Variants in HIP1 observed in about 807,000 individuals in gnomAD.
HIP1 encodes the protein huntingtin-interacting protein 1.
In HIP1, 65 loss-of-function variants were observed where a neutral mutation model predicts 147.6. The observed-to-expected ratio is 0.44, with a 90% CI of 0.36 to 0.54. The LOEUF (loss-of-function observed/expected upper bound fraction) is 0.54, where lower values mean the gene tolerates loss of function less well. HIP1 is among the 20% of genes least tolerant of loss of function. HIP1 has a pLI of 0.00. For synonymous variants in HIP1, 479 were observed against 504.0 expected, an observed-to-expected ratio of 0.95 and a Z score of 0.67; for missense variants, 1,061 against 1,299.6, an observed-to-expected ratio of 0.82 and a Z score of 2.82.
At chr7:75,718,730 G>T (rs964074905) in intron 1 of HIP1, among the ~76,000 whole-genome samples, 1 of 152,022 alleles carries the variant, frequency 6.6e-6, no homozygotes, top group African/African-American at 2.4e-5. Flanking sequence ...TCTTTCTTGA[G>T]GTCACAGAAC....
chr7:75,539,970 A>G (rs1410829801), intron 29 of HIP1, among the ~76,000 whole-genome samples: 2 of 152,208 alleles, frequency 1.3e-5, no homozygotes, highest in African/African-American at 4.8e-5. Context: ...CTAGAAACCC[A>G]GGTAGGAAGC....
intron 1 of HIP1, among the ~76,000 whole-genome samples, chr7:75,722,712 C>T (rs1423562873): frequency 2.0e-5 from 3 of 152,130 alleles, no homozygotes; most frequent in African/African-American, 4.8e-5. Flanking sequence ...GGATTTCTCA[C>T]TTTCCTTTTT....
rs149401898 is a variant in HIP1 at position 75,715,215 on chromosome 7, C to A, written c.120+23586G>T. 6.7e-4 allele frequency among the ~76,000 whole-genome samples: 102 copies of A among 151,388 alleles called. No homozygotes were observed. The East Asian group carries it at 0.019, about 29-fold the overall frequency. On this transcript the variant is annotated intron_variant, in intron 1 of 30. Coordinates refer to ENST00000336926, the MANE Select transcript of HIP1 (RefSeq NM_005338.7). Reference sequence around the variant, plus strand: ...GACCAGCCTGGGCAACACAGCGAGACCCTATCTCTGCCAAAAAATTAAAAA... The same window carrying A: ...GACCAGCCTGGGCAACACAGCGAGAACCTATCTCTGCCAAAAAATTAAAAA...
chr7:75,709,368 C>T (rs1486125735), intron 1 of HIP1, among the ~76,000 whole-genome samples: 1 of 152,148 alleles, frequency 6.6e-6, no homozygotes, highest in Non-Finnish European at 1.5e-5. Flanking sequence ...CCACCTAGGC[C>T]TCCCAAAGTG....
intron 26 of HIP1, 36 bp downstream of exon 26, chr7:75,545,052 G>A (rs782482422): frequency 2.4e-6 from 3 of 1,253,418 alleles, no homozygotes; most frequent in Non-Finnish European, 3.4e-6. Context: ...TGGAAGAGGG[G>A]TCATGGGAGG....
At chr7:75,672,968 A>T (rs1799770882) in intron 1 of HIP1, among the ~76,000 whole-genome samples, 1 of 150,900 alleles carries the variant, frequency 6.6e-6, no homozygotes, top group Non-Finnish European at 1.5e-5. Flanking sequence ...TGCCAGTAAC[A>T]CCACTTTGAC....
chr7:75,733,305 A>T (rs1327913473), intron 1 of HIP1, among the ~76,000 whole-genome samples: 1 of 152,098 alleles, frequency 6.6e-6, no homozygotes, highest in Non-Finnish European at 1.5e-5. Context: ...AATGAAAATG[A>T]TAATGACTGA....
intron 1 of HIP1, among the ~76,000 whole-genome samples, chr7:75,686,125 A>G (rs1554517565): frequency 2.0e-5 from 3 of 146,488 alleles, no homozygotes; most frequent in Non-Finnish European, 4.5e-5. Flanking sequence ...CCTGGCCTCA[A>G]GTAATCCACC....
At chr7:75,694,207 C>T (rs1178973970) in intron 1 of HIP1, among the ~76,000 whole-genome samples, 2 of 152,064 alleles carry the variant, frequency 1.3e-5, no homozygotes, top group African/African-American at 2.4e-5. Context: ...CGTGAGCCAC[C>T]GCGCCCGGCC....
chr7:75,662,257 C>T (rs1554513743), intron 1 of HIP1, among the ~76,000 whole-genome samples: 1 of 152,094 alleles, frequency 6.6e-6, no homozygotes, highest in Non-Finnish European at 1.5e-5. Context: ...GATCACAGCA[C>T]ATGGCAGCCT....
chr7:75,547,639 C>T, intron 24 of HIP1, 116 bp downstream of exon 24: 1 of 820,066 alleles, frequency 1.2e-6, no homozygotes, highest in East Asian at 2.4e-5. Context: ...CAACTCAGCC[C>T]TTCCCCGTGG....
chr7:75,703,630 A>G (rs1800904760), intron 1 of HIP1, among the ~76,000 whole-genome samples: 1 of 152,022 alleles, frequency 6.6e-6, no homozygotes, highest in Non-Finnish European at 1.5e-5. Flanking sequence ...AAAACAACAC[A>G]CACAAAACAA....
At chr7:75,616,510 C>T (rs142247744) in intron 1 of HIP1, among the ~76,000 whole-genome samples, 173 of 152,074 alleles carry the variant, frequency 1.1e-3, no homozygotes, top group African/African-American at 3.9e-3. Context: ...TGGCTTCTAG[C>T]GATCCTCCCA....
intron 2 of HIP1, among the ~76,000 whole-genome samples, chr7:75,598,578 C>T (rs782787766): frequency 6.6e-6 from 1 of 151,840 alleles, no homozygotes; most frequent in Non-Finnish European, 1.5e-5. Context: ...CAGGAGGTCT[C>T]TCAAAGGAAA....
At chr7:75,733,457 A>T (rs1329836529) in intron 1 of HIP1, 2 of 140,408 alleles carry the variant, frequency 1.4e-5, no homozygotes, top group African/African-American at 5.5e-5. Context: ...GAGGGCAGGC[A>T]GTACTTTTCA....
chr7:75,670,376 CA>C (rs1185723980), intron 1 of HIP1, among the ~76,000 whole-genome samples: 1 of 94,048 alleles, frequency 1.1e-5, no homozygotes, highest in Non-Finnish European at 2.1e-5. Context: ...CGGCTGGTCT[CA>C]AACTCCTGAG....
chr7:75,699,758 T>A (rs1365609936), intron 1 of HIP1, among the ~76,000 whole-genome samples: 1 of 152,174 alleles, frequency 6.6e-6, no homozygotes, highest in Middle Eastern at 3.2e-3. Flanking sequence ...GGGTTCCTCC[T>A]TCATCTGGCT....
intron 1 of HIP1, among the ~76,000 whole-genome samples, chr7:75,639,590 T>TGTGTGTGTGC (rs533751823): frequency 0.032 from 4,856 of 150,032 alleles, 91 homozygotes; most frequent in Non-Finnish European, 0.036. Context: ...TGTGTGTGTG[T>TGTGTGTGTGC]GTGCGCCCGC....
intron 1 of HIP1, among the ~76,000 whole-genome samples, chr7:75,711,072 G>T (rs116009534): frequency 6.6e-6 from 1 of 152,166 alleles, no homozygotes; most frequent in African/African-American, 2.4e-5. Context: ...GCAATATTGT[G>T]CTCCCAAAAG....
Sources: gnomAD v4.1 joint callset for allele counts (sites outside exome capture counted in the v4.1 genomes callset) on GRCh38, gnomAD v4.1.1 for gene constraint, MANE v1.5 for transcripts, NCBI Gene and HGNC (gene_info 2026-07-23, HGNC 2026-07-21) for gene names.